The following GRID2IP variants were observed in gnomAD, a reference collection of about 807,000 sequenced individuals.
GRID2IP encodes the protein Grid2 interacting protein, also known as delphilin.
GRID2IP carries 78 observed loss-of-function variants against 114.3 expected under a neutral mutation model. The ratio of observed to expected loss-of-function variants is 0.68; its 90% CI spans 0.57 to 0.82. The LOEUF (loss-of-function observed/expected upper bound fraction) is 0.82. Ranked by LOEUF, GRID2IP falls within the 40% of genes least tolerant of loss-of-function variation. GRID2IP has a pLI of 0.00. For synonymous variants in GRID2IP, 809 were observed against 724.0 expected, an observed-to-expected ratio of 1.12 and a Z score of -1.89; for missense variants, 1,727 against 1,678.5, an observed-to-expected ratio of 1.03 and a Z score of -0.51.
At chr7:6,515,468 C>A (rs10263362) in intron 7 of GRID2IP, among the ~76,000 whole-genome samples, 12,820 of 142,932 alleles carry the variant, frequency 0.09, 854 homozygotes, top group African/African-American at 0.19. Flanking sequence ...CTCAAAAAAA[C>A]CCAAAAAACC....
chr7:6,548,251 G>T (rs1367429206), intron 1 of GRID2IP, among the ~76,000 whole-genome samples: 1 of 152,062 alleles, frequency 6.6e-6, no homozygotes, highest in East Asian at 1.9e-4. Flanking sequence ...TCCTTGGGAG[G>T]CTGAGCCAGG....
intron 2 of GRID2IP, among the ~76,000 whole-genome samples, chr7:6,529,315 G>A (rs563686863): frequency 6.6e-6 from 1 of 152,270 alleles, no homozygotes; most frequent in African/African-American, 2.4e-5. Context: ...GCCGGGCATG[G>A]TAGTGCACTC....
rs186686314 is a variant in GRID2IP at position 6,534,058 on chromosome 7, T to G, written c.584+5660A>C. Among the ~76,000 whole-genome samples, 1 of 152,098 alleles carries G rather than the reference T, an allele frequency of 6.6e-6. No individual in the cohort carries two copies. Among genetic ancestry groups the G allele is most frequent in the African/African-American group, 2.4e-5 (1 of 41,408 alleles). On this transcript the variant is annotated intron_variant, in intron 2 of 21. Coordinates refer to ENST00000457091, the MANE Select transcript of GRID2IP (RefSeq NM_001145118.2). This position sits in a 1 kb window ranked among gnomAD's most constrained non-coding sequence, Gnocchi z 4.5. Reference sequence around the variant, plus strand: ...CACCCTTAGATTCTCAACTCACCTTTCCTGCTTTCAGTTGGCCAAGTTCAT... The same window carrying G: ...CACCCTTAGATTCTCAACTCACCTTGCCTGCTTTCAGTTGGCCAAGTTCAT...
intron 1 of GRID2IP, 40 bp downstream of exon 1, chr7:6,550,968 C>T: frequency 8.5e-7 from 1 of 1,171,272 alleles, no homozygotes. Flanking sequence ...CATTATGAGC[C>T]CCCTCCTTCC....
rs1266954261 is a variant in GRID2IP, at chr7:6,540,899, T to C, written c.430-1027A>G. On this transcript the variant is annotated intron_variant, in intron 1 of 21. Transcript: ENST00000457091. The stretch of plus-strand genomic sequence containing the variant: ...TTGTCTAGGCTGGAGTGCAGTGGTG[T>C]GATTATAACTTACTGCAGCTTCCAC... Among the ~76,000 whole-genome samples the C allele has an allele frequency of 3.3e-5, 5 of 151,942 alleles. No individual in the cohort carries two copies. The East Asian group carries it at 9.6e-4, about 29-fold the overall frequency.
intron 1 of GRID2IP, among the ~76,000 whole-genome samples, chr7:6,541,668 C>G (rs60425570): frequency 6.6e-6 from 1 of 152,058 alleles, no homozygotes; most frequent in Non-Finnish European, 1.5e-5. Context: ...CAAATGCACA[C>G]GTTGGAAACG....
chr7:6,532,346 G>A lies in GRID2IP; in HGVS notation c.585-5577C>T, dbSNP rs536890536. The stretch of plus-strand genomic sequence containing the variant: ...GGGAACAGGAGAGGCAAGATGCCCC[G>A]GGGACTTTCCCTCTGTCTCACTCAG... On this transcript the variant is annotated intron_variant, in intron 2 of 21. Transcript: ENST00000457091. This position sits in a 1 kb window ranked among gnomAD's most constrained non-coding sequence, Gnocchi z 4.4. Among the ~76,000 whole-genome samples, 8 of 152,192 alleles carry A rather than the reference G, an allele frequency of 5.3e-5. No homozygotes were observed. The highest frequency in any genetic ancestry group is 2.1e-4 in the South Asian group (1 of 4,820).
intron 18 of GRID2IP, 94 bp downstream of exon 18, chr7:6,502,692 C>T (rs1180536325): frequency 4.2e-6 from 3 of 714,056 alleles, no homozygotes; most frequent in Non-Finnish European, 6.9e-6. Context: ...GTCACGATGT[C>T]CTCTTCTGCC....
Position 6,526,329 on chromosome 7 carries a change from C to T in GRID2IP, c.834-20G>A. 1 of 1,548,880 alleles carries T rather than the reference C, an allele frequency of 6.5e-7. No homozygotes were observed. Among genetic ancestry groups the T allele is most frequent in the Non-Finnish European group, 8.7e-7 (1 of 1,144,514 alleles). Reference sequence around the variant, plus strand: ...ACAGTCCTGGGGGAAAAAGAAGGGGCGAGCAGCATGATGGAGAGGGGGCCC... The same window carrying T: ...ACAGTCCTGGGGGAAAAAGAAGGGGTGAGCAGCATGATGGAGAGGGGGCCC... On this transcript the variant is annotated intron_variant, in intron 3 of 21. Coordinates refer to ENST00000457091, the MANE Select transcript of GRID2IP (RefSeq NM_001145118.2). The surrounding 1 kb of genome is among the most constrained non-coding windows in gnomAD (Gnocchi z 7.6).
intron 8 of GRID2IP, among the ~76,000 whole-genome samples, chr7:6,512,123 G>T (rs750430434): frequency 6.6e-6 from 1 of 150,688 alleles, no homozygotes; most frequent in Admixed American, 6.6e-5. Context: ...CACCATATTG[G>T]ACAGGCTGGT....
rs777860555 is a variant in GRID2IP at position 6,510,368 on chromosome 7, T to C, written c.1686A>G (p.Arg562=). The change falls in exon 11 of 22, where the codon CGA becomes CGG. Residue 562 remains arginine, a synonymous_variant. Coordinates refer to ENST00000457091, the MANE Select transcript of GRID2IP (RefSeq NM_001145118.2). ...MSAVYAELES[R]LNSSFKGKMG... is the part of the protein sequence containing the mutation. ...TCTTCCCTTTGAAGCTGCTGTTCAG[T>C]CGAGACTCAAGCTCTGCATAGACGG... The C allele has an allele frequency of 2.6e-6, 4 of 1,546,278 alleles. No individual in the cohort carries two copies. The highest frequency in any genetic ancestry group is 1.7e-4 in the Middle Eastern group (1 of 5,966).
rs541933948 is a variant in GRID2IP at position 6,497,408 on chromosome 7, A to G, written c.*366T>C. The stretch of plus-strand genomic sequence containing the variant: ...GGCCCCCTCACAGGGACCCACTAGG[A>G]GCAGGATCAGAAAAAAGGTCCACAT... On this transcript the variant is annotated 3_prime_UTR_variant, in exon 22 of 22. Coordinates refer to ENST00000457091, the MANE Select transcript of GRID2IP (RefSeq NM_001145118.2). 5.5e-6 allele frequency: 1 copy of G among 181,476 alleles called. No homozygotes were observed. Among genetic ancestry groups the G allele is most frequent in the Admixed American group, 6.1e-5 (1 of 16,324 alleles). The allele number at this position is 181,476 out of a possible 1,614,324, so 11.2% of individuals were successfully genotyped here.
At chr7:6,503,414 A>G (rs1017354858) in intron 16 of GRID2IP, 77 bp downstream of exon 16, 22 of 1,352,580 alleles carry the variant, frequency 1.6e-5, no homozygotes, top group Non-Finnish European at 2.0e-5. Context: ...GGCGCGCGGG[A>G]CCCCAGCAGC....
At chr7:6,549,284 C>T (rs1201835848) in intron 1 of GRID2IP, among the ~76,000 whole-genome samples, 2 of 152,198 alleles carry the variant, frequency 1.3e-5, no homozygotes, top group Non-Finnish European at 2.9e-5. Context: ...TCTTTCCATC[C>T]CAGCCCTGGG....
chr7:6,522,807 A>ATGTGTGTGTGTGTGTG (rs72277817), intron 4 of GRID2IP, among the ~76,000 whole-genome samples: 2,707 of 147,644 alleles, frequency 0.018, 52 homozygotes, highest in Non-Finnish European at 0.021. Context: ...CCTGGCTAAT[A>ATGTGTGTGTGTGTGTG]TGTGTGTGTG....
chr7:6,542,662 T>A (rs1779831700), intron 1 of GRID2IP, among the ~76,000 whole-genome samples: 1 of 152,008 alleles, frequency 6.6e-6, no homozygotes, highest in African/African-American at 2.4e-5. Flanking sequence ...CCCATTTCAA[T>A]AAATAAATAA....
Position 6,541,920 on chromosome 7 carries a change from T to C in GRID2IP, c.430-2048A>G, listed in dbSNP as rs78364089. Among the ~76,000 whole-genome samples the C allele has an allele frequency of 2.2e-3, 335 of 152,300 alleles. 9 individuals carry two copies. In the East Asian group the frequency reaches 0.058, roughly 26 times the overall value. Reference sequence around the variant, plus strand: ...TAACACTAAGACGTTGGCAGCAATATAAATATCTGACAGTGGGGGCTAAAT... The same window carrying C: ...TAACACTAAGACGTTGGCAGCAATACAAATATCTGACAGTGGGGGCTAAAT... On this transcript the variant is annotated intron_variant, in intron 1 of 21. Transcript: ENST00000457091.
At chr7:6,502,923 C>T in intron 17 of GRID2IP, 51 bp from the exon 18 acceptor site, 1 of 1,533,530 alleles carries the variant, frequency 6.5e-7, no homozygotes, top group Non-Finnish European at 8.8e-7. Context: ...CACCCATCCA[C>T]CCTGCTGTCT....
chr7:6,526,463 G>C lies in GRID2IP; in HGVS notation c.833+58C>G, dbSNP rs1583346866. On this transcript the variant is annotated intron_variant, in intron 3 of 21. Transcript: ENST00000457091. The surrounding 1 kb of genome is among the most constrained non-coding windows in gnomAD (Gnocchi z 7.6). ...CCCCTACGCCCTCTCCCCGGGTCTC[G>C]GTCCCGAGCCCACCCGCAGGGAGGC... 7.0e-7 allele frequency: 1 copy of C among 1,427,842 alleles called. No individual in the cohort carries two copies. The highest frequency in any genetic ancestry group is 9.2e-7 in the Non-Finnish European group (1 of 1,089,896). The allele number at this position is 1,427,842 out of a possible 1,614,324, so 88.4% of individuals were successfully genotyped here.
Sources: allele counts gnomAD v4.1 joint callset (sites outside exome capture counted in the v4.1 genomes callset), GRCh38; gene constraint gnomAD v4.1.1; non-coding constraint Gnocchi (gnomAD v3.1); transcripts MANE v1.5; gene names NCBI Gene and HGNC (gene_info 2026-07-23, HGNC 2026-07-21).